AGBL1: variants seen among roughly 807,000 people sequenced by gnomAD.
The protein encoded by AGBL1 is AGBL carboxypeptidase 1.
In AGBL1, 130 loss-of-function variants were observed where a neutral mutation model predicts 118.9. The ratio of observed to expected loss-of-function variants is 1.09; its 90% CI spans 0.95 to 1.26. The LOEUF is 1.26. AGBL1 is among the 50% of genes most tolerant of loss of function. The pLI is 0.00. For synonymous variants in AGBL1, 555 were observed against 478.9 expected, an observed-to-expected ratio of 1.16 and a Z score of -2.08; for missense variants, 1,584 against 1,298.1, an observed-to-expected ratio of 1.22 and a Z score of -3.38.
At chr15:86,925,176 AG>A (rs1567242957) in intron 23 of AGBL1, among the ~76,000 whole-genome samples, 7 of 9,988 alleles carry the variant, frequency 7.0e-4, no homozygotes, top group Middle Eastern at 0.042. Context: ...AGGAAGAGGA[AG>A]AGGAAGAGGA....
chr15:86,549,974 G>A (rs2083642743), intron 20 of AGBL1, among the ~76,000 whole-genome samples: 1 of 151,770 alleles, frequency 6.6e-6, no homozygotes, highest in African/African-American at 2.4e-5. Flanking sequence ...TCACTAGGTG[G>A]GATTGTCAGC....
chr15:86,879,756 A>G (rs2079864952), intron 22 of AGBL1, among the ~76,000 whole-genome samples: 2 of 152,138 alleles, frequency 1.3e-5, no homozygotes, highest in African/African-American at 4.8e-5. Flanking sequence ...ACGGCTCTTT[A>G]TTTAGCTCCG....
intron 21 of AGBL1, among the ~76,000 whole-genome samples, chr15:86,589,417 T>A (rs1023487278): frequency 1.3e-5 from 2 of 152,198 alleles, no homozygotes; most frequent in Non-Finnish European, 2.9e-5. Context: ...TAGCCCATGA[T>A]AAATGGTTAA....
At chr15:86,931,061 A>C (rs1156283725) in intron 23 of AGBL1, among the ~76,000 whole-genome samples, 1 of 152,112 alleles carries the variant, frequency 6.6e-6, no homozygotes, top group Admixed American at 6.5e-5. Flanking sequence ...TTTTACTCCA[A>C]ATTTCTTCCT....
At chr15:86,404,056 T>C (rs780159946) in intron 18 of AGBL1, among the ~76,000 whole-genome samples, 5 of 152,164 alleles carry the variant, frequency 3.3e-5, no homozygotes, top group African/African-American at 4.8e-5. Context: ...CCTTTGTTCA[T>C]TTTGGTCTAT....
At chr15:86,849,517 C>CTTTTTTTTTTTTTTTTTTTTT (rs68185029) in intron 22 of AGBL1, among the ~76,000 whole-genome samples, 1 of 136,798 alleles carries the variant, frequency 7.3e-6, no homozygotes, top group African/African-American at 2.7e-5. Context: ...TTCTTTCTTT[C>CTTTTTTTTTTTTTTTTTTTTT]TTTTTTTTTT....
chr15:86,480,125 T>C (rs1306093978), intron 18 of AGBL1, among the ~76,000 whole-genome samples: 1 of 152,154 alleles, frequency 6.6e-6, no homozygotes, highest in Non-Finnish European at 1.5e-5. Context: ...TTAGGAAATA[T>C]ACCTAATGTA....
intron 23 of AGBL1, among the ~76,000 whole-genome samples, chr15:86,947,187 G>A (rs140020051): frequency 7.2e-5 from 11 of 152,108 alleles, no homozygotes; most frequent in Non-Finnish European, 1.2e-4. Flanking sequence ...AAAGCTGCCC[G>A]GCTCCTGTTG....
intron 18 of AGBL1, among the ~76,000 whole-genome samples, chr15:86,502,486 A>C (rs2082929178): frequency 6.6e-6 from 1 of 151,476 alleles, no homozygotes; most frequent in South Asian, 2.1e-4. Context: ...AGATGTGGTA[A>C]AAGCAGACAA....
At chr15:86,998,596 C>T (rs1335778596) in intron 24 of AGBL1, among the ~76,000 whole-genome samples, 1 of 152,116 alleles carries the variant, frequency 6.6e-6, no homozygotes, top group Non-Finnish European at 1.5e-5. Context: ...ACCTTATTTT[C>T]TCCAATAAGT....
intron 3 of AGBL1, among the ~76,000 whole-genome samples, chr15:86,151,342 GC>G (rs2077107502): frequency 6.7e-6 from 1 of 148,576 alleles, no homozygotes; most frequent in Non-Finnish European, 1.5e-5. Flanking sequence ...AATCAAGTCA[GC>G]TTCATCCCTG....
intron 7 of AGBL1, 112 bp downstream of exon 7, chr15:86,247,991 G>T: frequency 7.4e-7 from 1 of 1,355,466 alleles, no homozygotes; most frequent in South Asian, 1.2e-5. Context: ...TCTATTTCTT[G>T]TTGCCTGCTA....
At chr15:86,204,084 T>C (rs1186898394) in intron 5 of AGBL1, among the ~76,000 whole-genome samples, 3 of 152,160 alleles carry the variant, frequency 2.0e-5, no homozygotes, top group Non-Finnish European at 2.9e-5. Flanking sequence ...AAGATCTTTA[T>C]AGGGAGGCTG....
In AGBL1 at chr15:86,522,904, C is replaced by A; in HGVS notation, c.2650C>A (p.Leu884Ile). The change falls in exon 19 of 23, where the codon CTC becomes ATC. Residue 884 changes from leucine to isoleucine, a missense_variant. Physicochemically the swap from Leu to Ile is conservative, Grantham distance 5 (BLOSUM62 2). Transcript: ENST00000614907. ...AACCATTTACCATGCCAAAGGCCTC[C>A]TCTACCACCTGAGCAGCATTGGCCG... ...QPTIYHAKGLLYHLSSIGRSP... is the reference protein window; with the variant it reads ...QPTIYHAKGLIYHLSSIGRSP... 1 of 1,614,010 alleles carries A rather than the reference C, an allele frequency of 6.2e-7. No individual in the cohort carries two copies.
At chr15:86,417,999 A>G (rs1248065383) in intron 18 of AGBL1, among the ~76,000 whole-genome samples, 1 of 152,272 alleles carries the variant, frequency 6.6e-6, no homozygotes, top group Middle Eastern at 3.4e-3. Context: ...GTATCACTCT[A>G]TAGTTGATCT....
At chr15:86,223,447 T>TA in intron 5 of AGBL1, among the ~76,000 whole-genome samples, 1 of 152,290 alleles carries the variant, frequency 6.6e-6, no homozygotes, top group Non-Finnish European at 1.5e-5. Flanking sequence ...CCAGGCCCCA[T>TA]ATACTATGGC....
At chr15:86,756,762 G>C (rs1203558109) in intron 22 of AGBL1, among the ~76,000 whole-genome samples, 1 of 152,024 alleles carries the variant, frequency 6.6e-6, no homozygotes, top group Non-Finnish European at 1.5e-5. Flanking sequence ...GAAGTCAAAA[G>C]TTGTTGAGAG....
chr15:86,084,227 A>T (rs1006937689), intron 1 of AGBL1, among the ~76,000 whole-genome samples: 1 of 152,210 alleles, frequency 6.6e-6, no homozygotes, highest in Non-Finnish European at 1.5e-5. Flanking sequence ...GACAGTGTGT[A>T]GGCGTATGCT....
chr15:86,350,008 T>C (rs777537553), intron 17 of AGBL1, among the ~76,000 whole-genome samples: 39 of 152,206 alleles, frequency 2.6e-4, no homozygotes, highest in South Asian at 4.1e-4. Context: ...GCAAAACTTT[T>C]AATTTTTGAC....
Sources: allele counts gnomAD v4.1 joint callset (sites outside exome capture counted in the v4.1 genomes callset), GRCh38; gene constraint gnomAD v4.1.1; transcripts MANE v1.5; gene names NCBI Gene and HGNC (gene_info 2026-07-23, HGNC 2026-07-21).